Variants in ZFC3H1 observed in about 807,000 individuals in gnomAD.
ZFC3H1 encodes the protein zinc finger C3H1 domain-containing protein.
ZFC3H1 carries 71 observed loss-of-function variants against 243.7 expected under a neutral mutation model. The observed-to-expected ratio is 0.29, with a 90% CI of 0.24 to 0.36. ZFC3H1 has a LOEUF of 0.36. ZFC3H1 is among the 10% of genes least tolerant of loss of function. The pLI, the probability that ZFC3H1 is intolerant of heterozygous loss-of-function variation, is 1.00. For missense variants in ZFC3H1, 1,966 were observed against 2,317.1 expected (o/e 0.85, Z 3.11); for synonymous variants, 838 against 813.0 (o/e 1.03, Z -0.52).
chr12:71,663,758 C>T lies in ZFC3H1; in HGVS notation c.-148G>A. 2.3e-6 allele frequency: 2 copies of T among 870,590 alleles called. No individual in the cohort carries two copies. The highest frequency in any genetic ancestry group is 3.5e-6 in the Non-Finnish European group (2 of 572,288). 53.9% of individuals were successfully genotyped at this position (870,590 alleles called of 1,614,324 possible). A position where few individuals can be genotyped will look rare whatever the true frequency, so the allele number is the denominator to read the frequency against. On this transcript the variant is annotated 5_prime_UTR_variant, in exon 1 of 35. Coordinates refer to ENST00000378743, the MANE Select transcript of ZFC3H1 (RefSeq NM_144982.5). ...AGCGGCCTCTGCTCCCCAACTTCCC[C>T]GCACCCCAGCACCCCAGCTCTCTCT...
chr12:71,610,912 T>C (rs189821844), intron 33 of ZFC3H1, 146 bp downstream of exon 33: 611 of 1,419,554 alleles, frequency 4.3e-4, no homozygotes, highest in Non-Finnish European at 5.5e-4. Flanking sequence ...ACTCTTAAAA[T>C]GTTAACTACT....
chr12:71,615,619 T>C (rs915058600), intron 27 of ZFC3H1, among the ~76,000 whole-genome samples: 1 of 152,030 alleles, frequency 6.6e-6, no homozygotes, highest in Non-Finnish European at 1.5e-5. Context: ...CAGGTTCAAG[T>C]GATTCTCATG....
At chr12:71,619,509 T>G in intron 26 of ZFC3H1, 100 bp from the exon 27 acceptor site, 1 of 1,154,092 alleles carries the variant, frequency 8.7e-7, no homozygotes, top group South Asian at 1.5e-5. Context: ...CTCATTAGAT[T>G]AAGTTTCTTG....
intron 20 of ZFC3H1, 140 bp downstream of exon 20, chr12:71,628,777 TA>T: frequency 2.5e-6 from 2 of 803,120 alleles, no homozygotes; most frequent in South Asian, 2.3e-5. Context: ...CTGTATTGTC[TA>T]AAAACCCAAT....
At chr12:71,655,490 A>G (rs1448874452) in intron 2 of ZFC3H1, among the ~76,000 whole-genome samples, 1 of 151,880 alleles carries the variant, frequency 6.6e-6, no homozygotes, top group Non-Finnish European at 1.5e-5. Context: ...GAGAGCAGGG[A>G]AAAAAAAGGT....
intron 2 of ZFC3H1, among the ~76,000 whole-genome samples, chr12:71,652,496 T>C (rs1880914685): frequency 6.6e-6 from 1 of 152,190 alleles, no homozygotes; most frequent in Non-Finnish European, 1.5e-5. Context: ...TCAATGCCCT[T>C]AAAAAGCCCT....
rs756277679 is a variant in ZFC3H1, at chr12:71,663,103, G to C, written c.508C>G (p.Pro170Ala). 1.2e-6 allele frequency: 2 copies of C among 1,614,002 alleles called. No individual in the cohort carries two copies. The highest frequency in any genetic ancestry group is 4.5e-5 in the East Asian group (2 of 44,874). ...GRGVGERGGK[P>A]GCRPPLGGGA... ...CCTCCCAGAGGAGGTCTGCACCCCG[G>C]CTTGCCTCCTCGCTCACCCACTCCT... The change falls in exon 1 of 35, where the codon CCG (proline) becomes GCG (alanine). Residue 170 changes from proline to alanine, a missense_variant. Pro to Ala is a conservative substitution (Grantham distance 27, BLOSUM62 -1). Coordinates refer to ENST00000378743, the MANE Select transcript of ZFC3H1 (RefSeq NM_144982.5).
chr12:71,635,838 ACAAT>A (rs1358754585), intron 9 of ZFC3H1, among the ~76,000 whole-genome samples: 27 of 152,228 alleles, frequency 1.8e-4, no homozygotes, highest in Admixed American at 1.7e-3. Flanking sequence ...ATAAAGAACC[ACAAT>A]GCAATTTAAA....
At chr12:71,641,484 C>T (rs1490769677) in intron 6 of ZFC3H1, among the ~76,000 whole-genome samples, 1 of 152,230 alleles carries the variant, frequency 6.6e-6, no homozygotes, top group African/African-American at 2.4e-5. Context: ...GGAATGCCAA[C>T]TGCGTTCTGT....
chr12:71,645,164 T>G (rs1592598633), intron 3 of ZFC3H1, 89 bp from the exon 4 acceptor site: 1 of 1,325,658 alleles, frequency 7.5e-7, no homozygotes, highest in South Asian at 1.5e-5. Context: ...TGATAAAAAT[T>G]TGAAGTGTGA....
chr12:71,611,151 A>AT lies in ZFC3H1; in HGVS notation c.5730-55dup. 6 of 1,485,636 alleles carry AT rather than the reference A, an allele frequency of 4.0e-6. No homozygotes were observed. The South Asian group carries it at 8.3e-5, about 21-fold the overall frequency. 92.0% of individuals were successfully genotyped at this position (1,485,636 alleles called of 1,614,324 possible). ...TAGAAAAAGGAAAAGAAAAATTTAT[A>AT]TATCTTTGAACAAAATGAAACACCA... On this transcript the variant is annotated intron_variant, in intron 32 of 34. Transcript: ENST00000378743.
At chr12:71,623,279 G>A (rs1880078195) in intron 24 of ZFC3H1, 81 bp downstream of exon 24, 5 of 1,182,016 alleles carry the variant, frequency 4.2e-6, no homozygotes, top group Admixed American at 3.0e-5. Context: ...TAATTACAGA[G>A]AATCACAATA....
rs1374444064 is a variant in ZFC3H1 at position 71,623,451 on chromosome 12, T to C, written c.4653A>G (p.Ser1551=). The C allele has an allele frequency of 1.2e-6, 2 of 1,613,664 alleles. No homozygotes were observed. The highest frequency in any genetic ancestry group is 8.5e-7 in the Non-Finnish European group (1 of 1,179,864). Residue 1551 remains serine (S), a synonymous_variant, in exon 24 of 35, where the codon TCA becomes TCG. Transcript: ENST00000378743. The part of the protein sequence containing the change: ...KFYDPSNDNP[S]RIVNTESFVM... ...CAAATGATTCAGTGTTAACAATTCTTGAAGGATTATCATTAGATGGATCAT... is the reference window on the plus strand; with the variant it reads ...CAAATGATTCAGTGTTAACAATTCTCGAAGGATTATCATTAGATGGATCAT...
At chr12:71,656,495 C>T in intron 2 of ZFC3H1, 2 of 655,468 alleles carry the variant, frequency 3.1e-6, no homozygotes, top group Admixed American at 5.4e-5. Context: ...TAAACTTCAA[C>T]ATCCATTCAC....
chr12:71,656,496 A>G (rs1368087252), intron 2 of ZFC3H1: 8 of 656,456 alleles, frequency 1.2e-5, no homozygotes, highest in Non-Finnish European at 2.2e-5. Context: ...AAACTTCAAC[A>G]TCCATTCACG....
rs566085973 is a variant in ZFC3H1 at position 71,611,104 on chromosome 12, GAAAAAA to G, written c.5730-13_5730-8del. On this transcript the variant is annotated splice_polypyrimidine_tract_variant and splice_region_variant and intron_variant, in intron 32 of 34. Coordinates refer to ENST00000378743, the MANE Select transcript of ZFC3H1 (RefSeq NM_144982.5). ...AATCTCAGCAGCAATGGCTCTAAGA[GAAAAAA>G]AAAAAAAAAGAAATATAGAAAAAGG... 114 of 1,281,012 alleles carry G rather than the reference GAAAAAA, an allele frequency of 8.9e-5. No individual in the cohort carries two copies. Among genetic ancestry groups the G allele is most frequent in the Middle Eastern group, 2.5e-4 (1 of 3,930 alleles). 79.4% of individuals were successfully genotyped at this position (1,281,012 alleles called of 1,614,324 possible).
chr12:71,629,227 G>A (rs540132353), intron 19 of ZFC3H1, among the ~76,000 whole-genome samples, 190 bp from the exon 20 acceptor site: 12 of 150,662 alleles, frequency 8.0e-5, no homozygotes, highest in East Asian at 5.9e-4. Flanking sequence ...GTGCAGTGGC[G>A]CGATCTCAGC....
At chr12:71,629,529 A>G in intron 19 of ZFC3H1, 80 bp downstream of exon 19, 8 of 957,780 alleles carry the variant, frequency 8.4e-6, no homozygotes, top group Non-Finnish European at 1.3e-5. Context: ...ACAGAAACTA[A>G]AAAGTCCTTT....
In ZFC3H1 at chr12:71,622,029, C is replaced by G. The variant is rs1415241160; in HGVS notation, c.4744+1331G>C. ...AGATTCTTGACAATCAAGTATCATT[C>G]TACTTATCAAGCTTAATCACTACTA... On this transcript the variant is annotated intron_variant, in intron 24 of 34. Coordinates refer to ENST00000378743, the MANE Select transcript of ZFC3H1 (RefSeq NM_144982.5). 3.9e-5 allele frequency among the ~76,000 whole-genome samples: 6 copies of G among 152,316 alleles called. No homozygotes were observed. In the East Asian group the frequency reaches 1.2e-3, roughly 29 times the overall value.
Sources: gnomAD v4.1 joint callset for allele counts (sites outside exome capture counted in the v4.1 genomes callset) on GRCh38, gnomAD v4.1.1 for gene constraint, MANE v1.5 for transcripts, NCBI Gene and HGNC (gene_info 2026-07-23, HGNC 2026-07-21) for gene names.